The following KNG1 variants were observed in gnomAD, a reference collection of about 807,000 sequenced individuals.
The protein encoded by KNG1 is kininogen 1.
A neutral mutation model predicts 47.8 loss-of-function variants in KNG1; 23 were observed. That is an observed-to-expected ratio of 0.48 (90% CI 0.35 to 0.68). The LOEUF is 0.68. KNG1 is among the 30% of genes least tolerant of loss of function. KNG1 has a pLI of 0.01. For missense variants in KNG1, 762 were observed against 790.2 expected, an observed-to-expected ratio of 0.96 and a Z score of 0.43; for synonymous variants, 277 against 277.0, an observed-to-expected ratio of 1.00 and a Z score of 0.00.
At chr3:186,730,110 C>T (rs1227919144) in intron 5 of KNG1, among the ~76,000 whole-genome samples, 1 of 151,404 alleles carries the variant, frequency 6.6e-6, no homozygotes, top group Non-Finnish European at 1.5e-5. Flanking sequence ...ACTTAGAATG[C>T]TGTTCTAATA....
chr3:186,742,343 A>T lies in KNG1; in HGVS notation c.*12A>T. The T allele has an allele frequency of 6.2e-7, 1 of 1,613,220 alleles. No individual in the cohort carries two copies. The highest frequency in any genetic ancestry group is 8.5e-7 in the Non-Finnish European group (1 of 1,179,772). On this transcript the variant is annotated 3_prime_UTR_variant, in exon 10 of 10. Transcript: ENST00000644859. Reference sequence around the variant, plus strand: ...ATGGCCTTTCTTAATTTAAGTGGCTATGGGTATTTCTTTCATACTTTATTA... The same window carrying T: ...ATGGCCTTTCTTAATTTAAGTGGCTTTGGGTATTTCTTTCATACTTTATTA...
intron 3 of KNG1, among the ~76,000 whole-genome samples, chr3:186,723,549 A>G (rs1008157662): frequency 2.6e-5 from 4 of 152,030 alleles, no homozygotes; most frequent in Non-Finnish European, 4.4e-5. Context: ...GAGTTGTTTC[A>G]CTTAACGACC....
chr3:186,721,285 A>G (rs1406680355), intron 2 of KNG1: 5 of 152,264 alleles, frequency 3.3e-5, no homozygotes, highest in Non-Finnish European at 7.3e-5. Context: ...CTTCTCAGTC[A>G]TCTCATCTGT....
At chr3:186,738,088 G>A (rs1286384995) in intron 7 of KNG1, among the ~76,000 whole-genome samples, 2 of 152,060 alleles carry the variant, frequency 1.3e-5, no homozygotes, top group Non-Finnish European at 2.9e-5. Context: ...TAACTCCCCT[G>A]CCTCAGCCTG....
At position 186,742,162 on chromosome 3, in the gene KNG1, C is replaced by G. The variant is rs1200818377; in HGVS notation, c.1766C>G (p.Pro589Arg). 1 of 1,614,044 alleles carries G rather than the reference C, an allele frequency of 6.2e-7. No homozygotes were observed. Among genetic ancestry groups the G allele is most frequent in the Non-Finnish European group, 8.5e-7 (1 of 1,180,032 alleles). The stretch of plus-strand genomic sequence containing the variant: ...ATACAGAGTGATGACGATTGGATCC[C>G]TGATATCCAGATAGACCCAAATGGC... ...APIQSDDDWI[P>R]DIQIDPNGLS... The change falls in exon 10 of 10, where the codon CCT becomes CGT. Residue 589 changes from proline to arginine, a missense_variant. Transcript: ENST00000644859.
In KNG1 at chr3:186,720,220, G is replaced by T. The variant is rs1391029972; in HGVS notation, c.306+5G>T. On this transcript the variant is annotated splice_donor_5th_base_variant and intron_variant, in intron 2 of 9. Coordinates refer to ENST00000644859, the MANE Select transcript of KNG1 (RefSeq NM_001102416.3). ...TACAAGGATGCTGCAAAAGCAGTAA[G>T]TGTATTGGCCATTCTTGGGCCTTCT... 2 of 1,589,112 alleles carry T rather than the reference G, an allele frequency of 1.3e-6. No individual in the cohort carries two copies. The highest frequency in any genetic ancestry group is 1.7e-6 in the Non-Finnish European group (2 of 1,157,450).
intron 2 of KNG1, chr3:186,722,173 A>G (rs902832760): frequency 1.1e-5 from 4 of 369,394 alleles, no homozygotes; most frequent in Non-Finnish European, 2.0e-5. Context: ...AATACCCTCC[A>G]GGGCTCAAAA....
At chr3:186,721,418 TGAA>T in intron 2 of KNG1, 1 of 152,386 alleles carries the variant, frequency 6.6e-6, no homozygotes, top group South Asian at 2.1e-4. Context: ...TGGATATGAC[TGAA>T]GAATGAAAAG....
chr3:186,729,759 G>A (rs975590339), intron 5 of KNG1, among the ~76,000 whole-genome samples: 4 of 151,554 alleles, frequency 2.6e-5, no homozygotes, highest in Admixed American at 6.6e-5. Flanking sequence ...TGCAACCTCC[G>A]CCTCCCGGGT....
intron 4 of KNG1, among the ~76,000 whole-genome samples, chr3:186,726,495 G>A (rs1050206113): frequency 1.3e-5 from 2 of 150,382 alleles, no homozygotes; most frequent in African/African-American, 2.5e-5. Context: ...TCCCCATGTC[G>A]GCCAGGCTGG....
At chr3:186,739,978 G>A (rs1482821830) in intron 9 of KNG1, among the ~76,000 whole-genome samples, 1 of 151,844 alleles carries the variant, frequency 6.6e-6, no homozygotes, top group African/African-American at 2.4e-5. Context: ...AACCCAGGAG[G>A]TGGAGGTTGC....
chr3:186,739,441 G>C lies in KNG1; in HGVS notation c.1125+27G>C, dbSNP rs192169404. 17 of 1,432,974 alleles carry C rather than the reference G, an allele frequency of 1.2e-5. No individual in the cohort carries two copies. The East Asian group carries it at 3.4e-4, about 29-fold the overall frequency. The allele number at this position is 1,432,974 out of a possible 1,614,324, so 88.8% of individuals were successfully genotyped here. On this transcript the variant is annotated intron_variant, in intron 9 of 9. Coordinates refer to ENST00000644859, the MANE Select transcript of KNG1 (RefSeq NM_001102416.3). ...TATGATTCTAATTACAGTCAGCGTG[G>C]GGTCAGTTCTGCTCATTCTGAAAAT...
intron 1 of KNG1, among the ~76,000 whole-genome samples, chr3:186,719,332 A>G (rs1720116365): frequency 6.6e-6 from 1 of 152,266 alleles, no homozygotes; most frequent in Non-Finnish European, 1.5e-5. Flanking sequence ...AAAATCACCC[A>G]TAATTAATTC....
rs1297802569 is a variant in KNG1 at position 186,742,033 on chromosome 3, C to T, written c.1637C>T (p.Thr546Ile). The T allele has an allele frequency of 1.2e-6, 2 of 1,614,142 alleles. No homozygotes were observed. The highest frequency in any genetic ancestry group is 2.2e-5 in the East Asian group (1 of 44,886). ...AQTQEKTEGPTPIPSLAKPGV... is the reference protein window; with the variant it reads ...AQTQEKTEGPIPIPSLAKPGV... ...ACACAAGAGAAGACAGAAGGGCCAA[C>T]ACCCATCCCTTCCCTAGCCAAGCCA... The change falls in exon 10 of 10, where the codon ACA (threonine) becomes ATA (isoleucine). Residue 546 changes from threonine (T) to isoleucine (I), a missense_variant. Coordinates refer to ENST00000644859, the MANE Select transcript of KNG1 (RefSeq NM_001102416.3).
rs866537180 is a variant in KNG1 at position 186,734,083 on chromosome 3, T to A, written c.930+1409T>A. 7.2e-5 allele frequency among the ~76,000 whole-genome samples: 11 copies of A among 152,256 alleles called. No homozygotes were observed. In the South Asian group the frequency reaches 1.2e-3, roughly 17 times the overall value. ...TTGGCTTCCCTAAATACAAGCTAAA[T>A]AAAAATAATCAAAATAGAGCCAAAT... is the stretch of plus-strand genomic sequence containing the variant. On this transcript the variant is annotated intron_variant, in intron 7 of 9. Transcript: ENST00000644859.
intron 7 of KNG1, among the ~76,000 whole-genome samples, chr3:186,734,026 T>C (rs1656927): frequency 9.1e-4 from 139 of 152,244 alleles, no homozygotes; most frequent in African/African-American, 3.2e-3. Context: ...CTGATGTCAT[T>C]ATGGACAGAC....
At position 186,717,562 on chromosome 3, in the gene KNG1, T is replaced by C. The variant is rs751215827; in HGVS notation, c.20T>C (p.Leu7Pro). 1.7e-4 allele frequency: 278 copies of C among 1,611,138 alleles called. No individual in the cohort carries two copies. Among genetic ancestry groups the C allele is most frequent in the Non-Finnish European group, 2.2e-4 (261 of 1,178,242 alleles). The change falls in exon 1 of 10, where the codon CTT (leucine) becomes CCT (proline). Residue 7 changes from leucine to proline, a missense_variant. By Grantham distance (98) the Leu-to-Pro change is moderately conservative. Transcript: ENST00000644859. MKLITI[L>P]FLCSRLLLSL... is the part of the protein sequence containing the mutation. ...TAGATCATGAAACTAATTACCATCCTTTTCCTCTGCTCCAGGCTGCTACTA... is the reference window on the plus strand; with the variant it reads ...TAGATCATGAAACTAATTACCATCCCTTTCCTCTGCTCCAGGCTGCTACTA...
At position 186,735,628 on chromosome 3, in the gene KNG1, TA is replaced by T. The variant is rs112864504; in HGVS notation, c.930+2966del. Among the ~76,000 whole-genome samples, 192 of 140,820 alleles carry T rather than the reference TA, an allele frequency of 1.4e-3. 1 individual carries two copies. The highest frequency in any genetic ancestry group is 3.7e-3 in the African/African-American group (143 of 38,436). 92.4% of individuals were successfully genotyped at this position (140,820 alleles called of 152,430 possible). A position where few individuals can be genotyped will look rare whatever the true frequency, so the allele number is the denominator to read the frequency against. ...AGTGAAACTCCATCTCAAAAAATAA[TA>T]AAAAAAAAAAAGAATTAAAAAATTA... On this transcript the variant is annotated intron_variant, in intron 7 of 9. Coordinates refer to ENST00000644859, the MANE Select transcript of KNG1 (RefSeq NM_001102416.3).
In KNG1 at chr3:186,743,524, C is replaced by T; in HGVS notation, c.*1193C>T. On this transcript the variant is annotated 3_prime_UTR_variant, in exon 10 of 10. Coordinates refer to ENST00000644859, the MANE Select transcript of KNG1 (RefSeq NM_001102416.3). ...TCTTTGGATGTATATGTCACTGCTG[C>T]TTCAAGTTATTGGATGCATTTGAAC... is the stretch of plus-strand genomic sequence containing the variant. The T allele has an allele frequency of 3.3e-6, 2 of 613,572 alleles. No homozygotes were observed. The highest frequency in any genetic ancestry group is 5.8e-6 in the Non-Finnish European group (2 of 342,490). The allele number at this position is 613,572 out of a possible 1,614,324, so 38.0% of individuals were successfully genotyped here.
Sources: allele counts gnomAD v4.1 joint callset (sites outside exome capture counted in the v4.1 genomes callset), GRCh38; gene constraint gnomAD v4.1.1; transcripts MANE v1.5; gene names NCBI Gene and HGNC (gene_info 2026-07-23, HGNC 2026-07-21).